The following MEGF10 variants were observed in gnomAD, a reference collection of about 807,000 sequenced individuals.
MEGF10 encodes the protein multiple epidermal growth factor-like domains protein 10.
Under a neutral mutation model 147.5 loss-of-function variants are expected in MEGF10, and 86 were observed. The ratio of observed to expected loss-of-function variants is 0.58; its 90% CI spans 0.49 to 0.70. MEGF10 has a LOEUF of 0.70. Among genes scored for constraint, MEGF10 ranks in the 30% least tolerant of loss-of-function variants. The pLI, the probability that MEGF10 is intolerant of heterozygous loss-of-function variation, is 0.00. For synonymous variants in MEGF10, 478 were observed against 525.5 expected (o/e 0.91, Z 1.24); for missense variants, 1,329 against 1,487.3 (o/e 0.89, Z 1.75).
At chr5:127,274,883 C>T in the MEGF10 span, among the ~76,000 whole-genome samples, 2 of 152,068 alleles carry the variant, frequency 1.3e-5, no homozygotes, top group African/African-American at 4.8e-5. Flanking sequence ...TAGAAAAGCC[C>T]TTGCTTTTTC....
chr5:127,375,223 CTT>C (rs34537147), intron 5 of MEGF10, among the ~76,000 whole-genome samples: 1 of 151,508 alleles, frequency 6.6e-6, no homozygotes, highest in South Asian at 2.1e-4. Flanking sequence ...ACATAGCTGT[CTT>C]TTTTTTTTCC....
At chr5:127,393,119 T>G (rs11958435) in intron 5 of MEGF10, among the ~76,000 whole-genome samples, 25,434 of 152,234 alleles carry the variant, frequency 0.17, 2,256 homozygotes, top group African/African-American at 0.23. Context: ...TAACTATATA[T>G]TTTCTAAGTT....
intron 8 of MEGF10, chr5:127,410,032 A>G (rs1305757361): frequency 5.3e-6 from 1 of 188,828 alleles, no homozygotes; most frequent in African/African-American, 2.3e-5. Flanking sequence ...ATGGACTAAC[A>G]TTTGAAAATT....
At chr5:127,343,234 A>G (rs981516055) in intron 4 of MEGF10, among the ~76,000 whole-genome samples, 1 of 152,174 alleles carries the variant, frequency 6.6e-6, no homozygotes, top group Non-Finnish European at 1.5e-5. Context: ...ATCATTTCAA[A>G]TTAATTCTTG....
chr5:127,277,430 T>A, the MEGF10 span, among the ~76,000 whole-genome samples: 2 of 152,128 alleles, frequency 1.3e-5, no homozygotes, highest in Non-Finnish European at 1.5e-5. Context: ...CTCACTTCCT[T>A]ACAAGTGTTA....
At chr5:127,425,792 G>A (rs1459583485) in intron 13 of MEGF10, among the ~76,000 whole-genome samples, 9 of 152,108 alleles carry the variant, frequency 5.9e-5, no homozygotes, top group Admixed American at 5.9e-4. Context: ...AAGACACCAG[G>A]TTTGAGGTCA....
At position 127,422,642 on chromosome 5, in the gene MEGF10, G is replaced by T. The variant is rs541613516; in HGVS notation, c.1591-28G>T. The T allele has an allele frequency of 2.1e-5, 34 of 1,591,488 alleles. No homozygotes were observed. The African/African-American group carries it at 2.5e-4, about 12-fold the overall frequency. On this transcript the variant is annotated intron_variant, in intron 12 of 24. Coordinates refer to ENST00000503335, the MANE Select transcript of MEGF10 (RefSeq NM_001256545.2). The stretch of plus-strand genomic sequence containing the variant: ...TTGTGGGATTTCCCAGGCCCTCATT[G>T]CTGCCTTTGATGCTGTTTTCCATGC...
intron 1 of MEGF10, among the ~76,000 whole-genome samples, chr5:127,319,415 T>C (rs1249496011): frequency 1.3e-5 from 2 of 152,148 alleles, no homozygotes; most frequent in Non-Finnish European, 2.9e-5. Flanking sequence ...TTTCTTAAAA[T>C]ATTTGTTCAG....
At chr5:127,428,377 T>C (rs1198838209) in intron 13 of MEGF10, among the ~76,000 whole-genome samples, 1 of 152,048 alleles carries the variant, frequency 6.6e-6, no homozygotes, top group Non-Finnish European at 1.5e-5. Context: ...AGAGAGGAAG[T>C]GAAGCCAACT....
At chr5:127,445,792 T>A in intron 20 of MEGF10, 99 bp downstream of exon 20, 1 of 846,976 alleles carries the variant, frequency 1.2e-6, no homozygotes, top group Non-Finnish European at 2.0e-6. Context: ...CCATTGTTTC[T>A]GTCAATTCTC....
rs116814890 is a variant in MEGF10 at position 127,440,138 on chromosome 5, C to T, written c.2234-601C>T. On this transcript the variant is annotated intron_variant, in intron 17 of 24. Coordinates refer to ENST00000503335, the MANE Select transcript of MEGF10 (RefSeq NM_001256545.2). ...GGTGTCTTTAGCTCAAGAGACTCGCCGGTCTAAGCATTGAAAATCATGCAG... is the reference window on the plus strand; with the variant it reads ...GGTGTCTTTAGCTCAAGAGACTCGCTGGTCTAAGCATTGAAAATCATGCAG... Among the ~76,000 whole-genome samples, 347 of 152,242 alleles carry T rather than the reference C, an allele frequency of 2.3e-3. 3 individuals are homozygous for T. Among genetic ancestry groups the T allele is most frequent in the Middle Eastern group, 0.01 (3 of 294 alleles).
chr5:127,357,233 G>A (rs935012785), intron 4 of MEGF10, among the ~76,000 whole-genome samples: 2 of 152,036 alleles, frequency 1.3e-5, no homozygotes, highest in Non-Finnish European at 2.9e-5. Context: ...TCATTGATGG[G>A]GACAACTTCT....
chr5:127,241,719 CAG>C, the MEGF10 span, among the ~76,000 whole-genome samples: 2 of 152,106 alleles, frequency 1.3e-5, no homozygotes, highest in Admixed American at 6.5e-5. Flanking sequence ...AGAGCTATAA[CAG>C]AGAGTGAAAT....
chr5:127,434,817 T>C lies in MEGF10; in HGVS notation c.1971T>C (p.Asn657=). The stretch of plus-strand genomic sequence containing the variant: ...CTGGCTTCACAGGCGCCCTCTGCAA[T>C]GAAGGTAAGGCACGAAGCATCCCGG... ...CLPGFTGALC[N]EVCPSGRFGK... Residue 657 remains asparagine, a synonymous_variant, in exon 15 of 25, where the codon AAT becomes AAC. Transcript: ENST00000503335. 2 of 1,612,646 alleles carry C rather than the reference T, an allele frequency of 1.2e-6. No homozygotes were observed. Among genetic ancestry groups the C allele is most frequent in the Non-Finnish European group, 1.7e-6 (2 of 1,179,934 alleles).
the MEGF10 span, chr5:127,229,915 C>T: frequency 6.6e-6 from 1 of 152,112 alleles, no homozygotes; most frequent in African/African-American, 2.4e-5. Flanking sequence ...TTTTGCTTGA[C>T]ACTTGGAGAA....
chr5:127,373,067 A>G (rs2126868305), intron 5 of MEGF10, among the ~76,000 whole-genome samples: 1 of 152,262 alleles, frequency 6.6e-6, no homozygotes, highest in African/African-American at 2.4e-5. Flanking sequence ...GAACTCATGT[A>G]TATTTATTTG....
intron 7 of MEGF10, among the ~76,000 whole-genome samples, chr5:127,399,453 G>A (rs1479881901): frequency 6.6e-6 from 1 of 152,198 alleles, no homozygotes; most frequent in African/African-American, 2.4e-5. Flanking sequence ...TAATATTGAT[G>A]TCATCTCTCT....
At chr5:127,421,153 C>A (rs1764984742) in intron 12 of MEGF10, among the ~76,000 whole-genome samples, 1 of 152,204 alleles carries the variant, frequency 6.6e-6, no homozygotes, top group African/African-American at 2.4e-5. Flanking sequence ...GCTTGAAGAT[C>A]ACTTTTTACT....
chr5:127,377,932 A>G (rs577456570), intron 5 of MEGF10, among the ~76,000 whole-genome samples: 2 of 152,328 alleles, frequency 1.3e-5, no homozygotes, highest in South Asian at 4.2e-4. Flanking sequence ...GCTGATGATG[A>G]TAACTGGGAA....
Sources: allele counts gnomAD v4.1 joint callset (sites outside exome capture counted in the v4.1 genomes callset), GRCh38; gene constraint gnomAD v4.1.1; transcripts MANE v1.5; gene names NCBI Gene and HGNC (gene_info 2026-07-23, HGNC 2026-07-21).